Variants in MAF observed in about 807,000 individuals in gnomAD.
MAF encodes the protein transcription factor Maf.
MAF carries 10 observed loss-of-function variants against 22.0 expected under a neutral mutation model. The observed-to-expected ratio is 0.45, with a 90% confidence interval of 0.28 to 0.77. MAF has a LOEUF of 0.77. Among genes scored for constraint, MAF ranks in the 30% least tolerant of loss-of-function variants. The probability of loss-of-function intolerance (pLI) is 0.12; values close to 1 mark genes in which losing one functional copy is unlikely to be tolerated. For synonymous variants in MAF, 337 were observed against 255.8 expected, an observed-to-expected ratio of 1.32 and a Z score of -3.03; for missense variants, 544 against 548.4, an observed-to-expected ratio of 0.99 and a Z score of 0.08.
the MAF span, among the ~76,000 whole-genome samples, chr16:79,556,838 T>C: frequency 1.3e-5 from 2 of 152,178 alleles, no homozygotes; most frequent in Admixed American, 1.3e-4. Context: ...AACCACACCA[T>C]AGAGTCATTG....
At chr16:79,359,348 A>G in the MAF span, among the ~76,000 whole-genome samples, 3 of 152,332 alleles carry the variant, frequency 2.0e-5, no homozygotes, top group East Asian at 1.9e-4. Flanking sequence ...TAGTGCCTTA[A>G]CAGGAAATTC....
chr16:79,500,349 G>A, the MAF span, among the ~76,000 whole-genome samples: 2 of 152,178 alleles, frequency 1.3e-5, no homozygotes, highest in African/African-American at 2.4e-5. Flanking sequence ...TGCCTACTAG[G>A]TGGTATGTGC....
chr16:79,411,731 G>A, the MAF span, among the ~76,000 whole-genome samples: 14 of 152,130 alleles, frequency 9.2e-5, no homozygotes, highest in Admixed American at 7.9e-4. Context: ...CATGATTTGG[G>A]CTCCCCCAGG....
At chr16:79,497,662 A>G in the MAF span, among the ~76,000 whole-genome samples, 90 of 152,342 alleles carry the variant, frequency 5.9e-4, 1 homozygote, top group African/African-American at 2.0e-3. Flanking sequence ...CATCCTTGTC[A>G]TGCTTTGAAC....
At chr16:79,383,831 T>G in the MAF span, among the ~76,000 whole-genome samples, 1 of 152,140 alleles carries the variant, frequency 6.6e-6, no homozygotes. Flanking sequence ...AAAAGAGCCT[T>G]ATAGTTTAAA....
the MAF span, among the ~76,000 whole-genome samples, chr16:79,554,374 T>C: frequency 6.6e-6 from 1 of 152,146 alleles, no homozygotes; most frequent in Non-Finnish European, 1.5e-5. Flanking sequence ...TCCCAGATCC[T>C]CATTTATTAG....
At chr16:79,336,473 G>A in the MAF span, among the ~76,000 whole-genome samples, 3 of 152,156 alleles carry the variant, frequency 2.0e-5, no homozygotes, top group Non-Finnish European at 2.9e-5. Context: ...GATGCTGGGA[G>A]GAAAACAGTC....
At chr16:79,410,875 T>C in the MAF span, among the ~76,000 whole-genome samples, 4 of 152,210 alleles carry the variant, frequency 2.6e-5, no homozygotes, top group African/African-American at 9.7e-5. Context: ...AGGCCAGAGA[T>C]AACCCTTTGC....
chr16:79,379,103 A>C, the MAF span, among the ~76,000 whole-genome samples: 1 of 152,304 alleles, frequency 6.6e-6, no homozygotes, highest in Admixed American at 6.5e-5. Context: ...AAGCTTAATT[A>C]TTGGCAATAA....
At chr16:79,226,022 T>C in the MAF span, among the ~76,000 whole-genome samples, 1 of 152,140 alleles carries the variant, frequency 6.6e-6, no homozygotes, top group African/African-American at 2.4e-5. Context: ...AGCAATCCCA[T>C]TACTGGGTAT....
the MAF span, among the ~76,000 whole-genome samples, chr16:79,297,739 G>C: frequency 1.3e-5 from 2 of 152,184 alleles, no homozygotes; most frequent in Admixed American, 6.5e-5. Flanking sequence ...GGTACACATG[G>C]AGTTCTGTGG....
chr16:79,423,289 G>C, the MAF span, among the ~76,000 whole-genome samples: 1 of 152,134 alleles, frequency 6.6e-6, no homozygotes, highest in Non-Finnish European at 1.5e-5. Flanking sequence ...AGAGGGCTCA[G>C]CAAGGACCAA....
At chr16:79,202,761 C>T in the MAF span, 4 of 152,126 alleles carry the variant, frequency 2.6e-5, no homozygotes, top group Non-Finnish European at 5.9e-5. Context: ...GCATGCATAG[C>T]TTGTTAGTAT....
the MAF span, among the ~76,000 whole-genome samples, chr16:79,229,704 G>A: frequency 6.6e-6 from 1 of 152,052 alleles, no homozygotes; most frequent in Non-Finnish European, 1.5e-5. Flanking sequence ...TCCTCGTTGA[G>A]CTATCTAGAG....
At chr16:79,392,017 AAG>A in the MAF span, among the ~76,000 whole-genome samples, 12 of 149,498 alleles carry the variant, frequency 8.0e-5, no homozygotes, top group Admixed American at 2.7e-4. Flanking sequence ...AGAGTAAGGA[AAG>A]AGAGAGAGGG....
chr16:79,291,372 G>A, the MAF span, among the ~76,000 whole-genome samples: 1 of 152,102 alleles, frequency 6.6e-6, no homozygotes, highest in Non-Finnish European at 1.5e-5. Flanking sequence ...CACCTTGTTG[G>A]TTCAAGTTTC....
chr16:79,369,123 A>G, the MAF span, among the ~76,000 whole-genome samples: 1 of 152,248 alleles, frequency 6.6e-6, no homozygotes, highest in Non-Finnish European at 1.5e-5. Flanking sequence ...AAGCCTCACT[A>G]TCAACTCTTC....
At chr16:79,554,558 C>T in the MAF span, among the ~76,000 whole-genome samples, 1 of 152,114 alleles carries the variant, frequency 6.6e-6, no homozygotes, top group Non-Finnish European at 1.5e-5. Context: ...GAAGACAACA[C>T]AGGTGGATGA....
At chr16:79,363,062 T>A in the MAF span, among the ~76,000 whole-genome samples, 3 of 152,214 alleles carry the variant, frequency 2.0e-5, no homozygotes, top group Admixed American at 2.0e-4. Context: ...TCACCTGATA[T>A]GGGTCCCTAA....
Sources: allele counts gnomAD v4.1 joint callset (sites outside exome capture counted in the v4.1 genomes callset), GRCh38; gene constraint gnomAD v4.1.1; transcripts MANE v1.5; gene names NCBI Gene and HGNC (gene_info 2026-07-23, HGNC 2026-07-21).